Variants in PTPRO observed in about 807,000 individuals in gnomAD.
PTPRO encodes the protein protein tyrosine phosphatase receptor type O, also known as receptor-type tyrosine-protein phosphatase O.
PTPRO carries 62 observed loss-of-function variants against 145.2 expected under a neutral mutation model. The observed-to-expected ratio is 0.43, with a 90% CI of 0.35 to 0.53. The LOEUF (loss-of-function observed/expected upper bound fraction) is 0.53. Ranked by LOEUF, PTPRO falls within the 20% of genes least tolerant of loss-of-function variation. The pLI is 0.01. For synonymous variants in PTPRO, 565 were observed against 514.7 expected, an observed-to-expected ratio of 1.10 and a Z score of -1.32; for missense variants, 1,345 against 1,482.7, an observed-to-expected ratio of 0.91 and a Z score of 1.53.
intron 19 of PTPRO, among the ~76,000 whole-genome samples, chr12:15,574,916 C>G (rs1004627775): frequency 6.6e-6 from 1 of 152,156 alleles, no homozygotes; most frequent in Non-Finnish European, 1.5e-5. Context: ...GCAGATTGTG[C>G]TCTCCTCAGA....
intron 1 of PTPRO, among the ~76,000 whole-genome samples, chr12:15,435,917 A>G (rs1940582582): frequency 6.6e-6 from 1 of 152,234 alleles, no homozygotes; most frequent in African/African-American, 2.4e-5. Flanking sequence ...CAGGCTGGCT[A>G]TACTTTTTAA....
intron 1 of PTPRO, among the ~76,000 whole-genome samples, chr12:15,423,364 A>T (rs912927953): frequency 3.9e-5 from 6 of 152,214 alleles, no homozygotes; most frequent in Non-Finnish European, 4.4e-5. Context: ...AAGTGTTAAG[A>T]TGGAAGAAAT....
intron 1 of PTPRO, among the ~76,000 whole-genome samples, chr12:15,457,709 T>C (rs942363555): frequency 6.6e-6 from 1 of 152,208 alleles, no homozygotes; most frequent in Admixed American, 6.5e-5. Context: ...TATTTTAAGC[T>C]GATAACAACT....
In PTPRO at chr12:15,452,522, C is replaced by T. The variant is rs188902863; in HGVS notation, c.76-31452C>T. Among the ~76,000 whole-genome samples, 353 of 152,188 alleles carry T rather than the reference C, an allele frequency of 2.3e-3. 1 individual carries two copies. The highest frequency in any genetic ancestry group is 8.1e-3 in the African/African-American group (335 of 41,522). ...AGCCAGCATCACCCTAATACCAAAA[C>T]GGGGAAAGGACGTGACAGAAAACAA... is the stretch of plus-strand genomic sequence containing the variant. On this transcript the variant is annotated intron_variant, in intron 1 of 26. Coordinates refer to ENST00000281171, the MANE Select transcript of PTPRO (RefSeq NM_030667.3).
At chr12:15,542,854 G>A (rs1022637149) in intron 12 of PTPRO, among the ~76,000 whole-genome samples, 3 of 152,056 alleles carry the variant, frequency 2.0e-5, no homozygotes, top group South Asian at 2.1e-4. Context: ...TTTCAAGTAC[G>A]CAACAGCTAC....
Position 15,497,255 on chromosome 12 carries a change from T to G in PTPRO, c.360T>G (p.Pro120=). Residue 120 remains proline, a synonymous_variant, in exon 3 of 27, where the codon CCT becomes CCG. Transcript: ENST00000281171. The stretch of plus-strand genomic sequence containing the variant: ...ACTTCACTTCTGTAGAACCTCTACC[T>G]GTAACCAGTGTTTCCATATATGACT... The part of the protein sequence containing the change: ...RSITVLTKPL[P]VTSVSIYDYK... 6.4e-7 allele frequency: 1 copy of G among 1,571,622 alleles called. No homozygotes were observed. Among genetic ancestry groups the G allele is most frequent in the Non-Finnish European group, 8.8e-7 (1 of 1,142,008 alleles).
intron 12 of PTPRO, among the ~76,000 whole-genome samples, chr12:15,543,080 T>C (rs539011588): frequency 1.4e-3 from 216 of 152,308 alleles, no homozygotes; most frequent in Admixed American, 2.6e-3. Context: ...GATACCAGAG[T>C]TAAATTTCTG....
chr12:15,508,911 G>A (rs1006180729), intron 7 of PTPRO, 144 bp downstream of exon 7: 3 of 807,448 alleles, frequency 3.7e-6, no homozygotes, highest in Admixed American at 4.1e-5. Flanking sequence ...GAGCCAGAGG[G>A]GCCAGAAATG....
intron 6 of PTPRO, among the ~76,000 whole-genome samples, chr12:15,505,239 T>C (rs946385255): frequency 6.6e-6 from 1 of 152,230 alleles, no homozygotes; most frequent in African/African-American, 2.4e-5. Flanking sequence ...TCCTATTCTG[T>C]CTCATAGTAG....
intron 23 of PTPRO, among the ~76,000 whole-genome samples, chr12:15,582,419 A>G (rs1291328069): frequency 1.3e-5 from 2 of 152,242 alleles, no homozygotes; most frequent in African/African-American, 2.4e-5. Context: ...GCTTCCTTCA[A>G]GAGGAAAAAT....
chr12:15,406,270 T>C (rs567668863), intron 1 of PTPRO, among the ~76,000 whole-genome samples: 1 of 152,198 alleles, frequency 6.6e-6, no homozygotes, highest in Non-Finnish European at 1.5e-5. Context: ...CACAGGGATA[T>C]TGTTAAAATA....
At chr12:15,441,543 T>C (rs1310228913) in intron 1 of PTPRO, among the ~76,000 whole-genome samples, 1 of 151,978 alleles carries the variant, frequency 6.6e-6, no homozygotes, top group African/African-American at 2.4e-5. Context: ...ACCCAAAAAT[T>C]CATACAAAGT....
chr12:15,431,348 T>C (rs1392062824), intron 1 of PTPRO, among the ~76,000 whole-genome samples: 3 of 152,218 alleles, frequency 2.0e-5, no homozygotes, highest in African/African-American at 7.2e-5. Flanking sequence ...TTGGGAAGAA[T>C]TTGCCTTCAA....
Position 15,526,215 on chromosome 12 carries a change from G to C in PTPRO, c.2117G>C (p.Cys706Ser), listed in dbSNP as rs770281781. The C allele has an allele frequency of 6.2e-7, 1 of 1,613,740 alleles. No individual in the cohort carries two copies. The highest frequency in any genetic ancestry group is 1.1e-5 in the South Asian group (1 of 91,068). ...ATCTATAACCTCTCAGTAACTGCTT[G>C]TACTGAAAGAGGAAGTAATACCTCC... ...GDIYNLSVTA[C>S]TERGSNTSML... Residue 706 changes from cysteine to serine, a missense_variant, in exon 12 of 27, where the codon TGT becomes TCT. Transcript: ENST00000281171.
chr12:15,539,327 A>G (rs779040901), intron 12 of PTPRO, among the ~76,000 whole-genome samples: 6 of 152,244 alleles, frequency 3.9e-5, no homozygotes, highest in Non-Finnish European at 7.3e-5. Flanking sequence ...AAAAATTTAA[A>G]AAAAAGAAAG....
chr12:15,451,976 G>A (rs1941057513), intron 1 of PTPRO, among the ~76,000 whole-genome samples: 1 of 151,846 alleles, frequency 6.6e-6, no homozygotes. Flanking sequence ...CCTAGCAGAA[G>A]AAAGGAAATA....
chr12:15,428,461 C>A (rs1305193198), intron 1 of PTPRO, among the ~76,000 whole-genome samples: 4 of 151,994 alleles, frequency 2.6e-5, no homozygotes, highest in Admixed American at 1.3e-4. Context: ...AAGTATAGAG[C>A]TTTACTGTGA....
At chr12:15,325,524 T>G in intron 1 of PTPRO, among the ~76,000 whole-genome samples, 1 of 152,216 alleles carries the variant, frequency 6.6e-6, no homozygotes. Context: ...TTTTTATTTT[T>G]ATATCAATAT....
intron 7 of PTPRO, among the ~76,000 whole-genome samples, chr12:15,513,116 G>A (rs764816011): frequency 0.17 from 832 of 4,930 alleles, 73 homozygotes; most frequent in East Asian, 0.26. Context: ...AGAAAGGAAG[G>A]AAGGAAGGAA....
Sources: gnomAD v4.1 joint callset for allele counts (sites outside exome capture counted in the v4.1 genomes callset) on GRCh38, gnomAD v4.1.1 for gene constraint, MANE v1.5 for transcripts, NCBI Gene and HGNC (gene_info 2026-07-23, HGNC 2026-07-21) for gene names.